Variants in RNF10 observed in about 807,000 individuals in gnomAD.
RNF10 encodes the protein E3 ubiquitin-protein ligase RNF10.
In RNF10, 38 loss-of-function variants were observed where a neutral mutation model predicts 91.4. That is an observed-to-expected ratio of 0.42 (90% confidence interval 0.32 to 0.54). The LOEUF is 0.54. Ranked by LOEUF, RNF10 falls within the 20% of genes least tolerant of loss-of-function variation. The probability of loss-of-function intolerance (pLI) is 0.16; values close to 1 mark genes in which losing one functional copy is unlikely to be tolerated. For missense variants in RNF10, 945 were observed against 1,012.0 expected (o/e 0.93, Z 0.90); for synonymous variants, 364 against 366.3 (o/e 0.99, Z 0.07).
chr12:120,572,313 G>C (rs181462500), intron 14 of RNF10, among the ~76,000 whole-genome samples: 49 of 152,280 alleles, frequency 3.2e-4, no homozygotes, highest in Admixed American at 2.7e-3. Context: ...TGATCCGCCT[G>C]CCTCAGCCTC....
At chr12:120,572,268 G>A (rs1038322216) in intron 14 of RNF10, among the ~76,000 whole-genome samples, 10 of 151,632 alleles carry the variant, frequency 6.6e-5, no homozygotes, top group African/African-American at 1.5e-4. Context: ...GGGTTTCACC[G>A]TATTAGCCAG....
rs1449346035 is a variant in RNF10 at position 120,577,138 on chromosome 12, C to A, written c.*472C>A. 2.3e-6 allele frequency: 1 copy of A among 443,826 alleles called. No homozygotes were observed. The highest frequency in any genetic ancestry group is 2.0e-5 in the African/African-American group (1 of 48,904). 27.5% of individuals were successfully genotyped at this position (443,826 alleles called of 1,614,324 possible). ...TATTTAGTTCTCCTTGTTAAAGAAACAGGGGTGGGAATAAAATGGATTTAG... is the reference window on the plus strand; with the variant it reads ...TATTTAGTTCTCCTTGTTAAAGAAAAAGGGGTGGGAATAAAATGGATTTAG... On this transcript the variant is annotated 3_prime_UTR_variant, in exon 17 of 17. Transcript: ENST00000325954.
chr12:120,577,387 A>T lies in RNF10; in HGVS notation c.*721A>T, dbSNP rs1464092529. 3.0e-6 allele frequency: 1 copy of T among 338,900 alleles called. No individual in the cohort carries two copies. The highest frequency in any genetic ancestry group is 9.6e-5 in the East Asian group (1 of 10,448). The allele number at this position is 338,900 out of a possible 1,614,324, so 21.0% of individuals were successfully genotyped here. Reference sequence around the variant, plus strand: ...TTCAGTGACTGGCTTGAGTCATAGGAGGAGGAGTCTGGTACAGCTGCAGGA... The same window carrying T: ...TTCAGTGACTGGCTTGAGTCATAGGTGGAGGAGTCTGGTACAGCTGCAGGA... On this transcript the variant is annotated 3_prime_UTR_variant, in exon 17 of 17. Transcript: ENST00000325954.
At chr12:120,560,981 T>A in intron 7 of RNF10, 95 bp downstream of exon 7, 1 of 1,277,490 alleles carries the variant, frequency 7.8e-7, no homozygotes, top group Non-Finnish European at 1.1e-6. Flanking sequence ...CTGTCGGGGG[T>A]GAGATGATGG....
intron 10 of RNF10, 21 bp downstream of exon 10, chr12:120,563,964 T>G (rs767463807): frequency 6.2e-7 from 1 of 1,613,858 alleles, no homozygotes; most frequent in Non-Finnish European, 8.5e-7. Context: ...CCTGTAGAAA[T>G]GGAGGGTCAG....
intron 7 of RNF10, among the ~76,000 whole-genome samples, chr12:120,562,065 C>T (rs1874908955): frequency 6.6e-6 from 1 of 151,830 alleles, no homozygotes; most frequent in Non-Finnish European, 1.5e-5. Flanking sequence ...AAACCTGTGT[C>T]ATGGGGGTTT....
intron 2 of RNF10, among the ~76,000 whole-genome samples, chr12:120,549,955 G>A (rs995817931): frequency 6.6e-6 from 1 of 152,070 alleles, no homozygotes; most frequent in African/African-American, 2.4e-5. Context: ...AGTGTATTCC[G>A]GTCTGGACAA....
chr12:120,564,724 G>T (rs1875416769), intron 10 of RNF10, among the ~76,000 whole-genome samples: 1 of 152,038 alleles, frequency 6.6e-6, no homozygotes, highest in Non-Finnish European at 1.5e-5. Flanking sequence ...GTTTTTTTCT[G>T]TTCTGTTTTT....
rs879168385 is a variant in RNF10 at position 120,576,648 on chromosome 12, A to G, written c.2418A>G (p.Ser806=). 1.2e-6 allele frequency: 2 copies of G among 1,613,970 alleles called. No homozygotes were observed. The highest frequency in any genetic ancestry group is 1.7e-6 in the Non-Finnish European group (2 of 1,179,930). ...KQKQKLLFST[S]VVHTK Reference sequence around the variant, plus strand: ...AACAGAAGCTCCTGTTCAGCACCTCAGTCGTCCACACCAAGTGACACTACT... The same window carrying G: ...AACAGAAGCTCCTGTTCAGCACCTCGGTCGTCCACACCAAGTGACACTACT... The change falls in exon 17 of 17, where the codon TCA becomes TCG. Residue 806 remains serine, a synonymous_variant. Coordinates refer to ENST00000325954, the MANE Select transcript of RNF10 (RefSeq NM_014868.5).
intron 13 of RNF10, among the ~76,000 whole-genome samples, chr12:120,568,137 TG>T (rs1018620686): frequency 6.6e-6 from 1 of 151,814 alleles, no homozygotes; most frequent in African/African-American, 2.4e-5. Flanking sequence ...CCCAGCTACT[TG>T]GGAGGCTGAG....
chr12:120,558,489 A>G (rs1247246165), intron 6 of RNF10, among the ~76,000 whole-genome samples: 2 of 151,314 alleles, frequency 1.3e-5, no homozygotes, highest in Non-Finnish European at 2.9e-5. Context: ...GGATTTTTGA[A>G]CCAGGCTGAA....
intron 2 of RNF10, 113 bp from the exon 3 acceptor site, chr12:120,552,386 T>G: frequency 1.2e-6 from 1 of 834,826 alleles, no homozygotes. Context: ...GATGACAGAG[T>G]AAGACTCCGT....
intron 14 of RNF10, among the ~76,000 whole-genome samples, chr12:120,574,181 A>G (rs1199060364): frequency 6.6e-6 from 1 of 152,254 alleles, no homozygotes; most frequent in Non-Finnish European, 1.5e-5. Flanking sequence ...AACATAATGA[A>G]GAAAGGTTAT....
chr12:120,568,579 G>A (rs934581321), intron 13 of RNF10, among the ~76,000 whole-genome samples: 3 of 151,494 alleles, frequency 2.0e-5, no homozygotes, highest in South Asian at 2.1e-4. Flanking sequence ...GGGTTCAAGC[G>A]ATTCTTCTGC....
intron 4 of RNF10, among the ~76,000 whole-genome samples, chr12:120,555,166 A>G (rs745562659): frequency 6.6e-6 from 1 of 152,240 alleles, no homozygotes; most frequent in Non-Finnish European, 1.5e-5. Context: ...AGGGAGGCAC[A>G]TGAATGAGCC....
intron 7 of RNF10, 106 bp downstream of exon 7, chr12:120,560,992 A>G: frequency 8.7e-7 from 1 of 1,143,264 alleles, no homozygotes; most frequent in East Asian, 2.5e-5. Context: ...GAGATGATGG[A>G]CGCTGGGGAT....
chr12:120,546,238 T>C (rs953307237), intron 1 of RNF10, among the ~76,000 whole-genome samples, 167 bp from the exon 2 acceptor site: 5 of 151,912 alleles, frequency 3.3e-5, no homozygotes, highest in African/African-American at 1.2e-4. Context: ...AAAAACACTC[T>C]ACTATGTGTT....
intron 4 of RNF10, among the ~76,000 whole-genome samples, chr12:120,555,194 T>G (rs1168694442): frequency 3.3e-5 from 5 of 152,260 alleles, no homozygotes; most frequent in African/African-American, 1.2e-4. Context: ...TGTACTTTTC[T>G]TTTTTGAGAA....
chr12:120,576,022 C>T, intron 16 of RNF10, 72 bp downstream of exon 16: 2 of 1,468,754 alleles, frequency 1.4e-6, no homozygotes. Flanking sequence ...CGCCTGGATT[C>T]AGTGGCAGAC....
Sources: allele counts gnomAD v4.1 joint callset (sites outside exome capture counted in the v4.1 genomes callset), GRCh38; gene constraint gnomAD v4.1.1; transcripts MANE v1.5; gene names NCBI Gene and HGNC (gene_info 2026-07-23, HGNC 2026-07-21).